ACP3: variants seen among roughly 807,000 people sequenced by gnomAD.
The protein encoded by ACP3 is prostatic acid phosphatase.
Under a neutral mutation model 45.6 loss-of-function variants are expected in ACP3, and 38 were observed. The ratio of observed to expected loss-of-function variants is 0.83; its 90% CI spans 0.64 to 1.09. The LOEUF (loss-of-function observed/expected upper bound fraction) is 1.09, where lower values mean the gene tolerates loss of function less well. ACP3 is among the 50% of genes least tolerant of loss of function. The probability of loss-of-function intolerance (pLI) is 0.00; values close to 1 mark genes in which losing one functional copy is unlikely to be tolerated. For synonymous variants in ACP3, 162 were observed against 164.7 expected (o/e 0.98, Z 0.13); for missense variants, 466 against 463.2 (o/e 1.01, Z -0.05).
At chr3:132,360,880 G>A (rs17183254), downstream of ACP3, among the ~76,000 whole-genome samples, 18,869 of 152,182 alleles carry the variant, frequency 0.12, 1,397 homozygotes, top group Non-Finnish European at 0.18. Flanking sequence ...AGTAGACAAC[G>A]CCTAGAACCT....
At chr3:132,342,429 G>A (rs992631296) in intron 5 of ACP3, 123 bp from the exon 6 acceptor site, 2 of 632,768 alleles carry the variant, frequency 3.2e-6, no homozygotes, top group African/African-American at 3.7e-5. Flanking sequence ...CCAGGATACT[G>A]TGAAACATCC....
chr3:132,362,427 T>C (rs1294680785), downstream of ACP3, among the ~76,000 whole-genome samples: 1 of 152,202 alleles, frequency 6.6e-6, no homozygotes, highest in Non-Finnish European at 1.5e-5. Context: ...ACTGAGTACC[T>C]CTTATGTACT....
In ACP3 at chr3:132,336,422, A is replaced by C. The variant is rs373433594; in HGVS notation, c.457-1034A>C. On this transcript the variant is annotated intron_variant, in intron 4 of 9. Coordinates refer to ENST00000336375, the MANE Select transcript of ACP3 (RefSeq NM_001099.5). Reference sequence around the variant, plus strand: ...ACTGGGAGGGGACTATGAAGATAAAAAAAAGCGGTCTATTTTGAAATAGAA... The same window carrying C: ...ACTGGGAGGGGACTATGAAGATAAACAAAAGCGGTCTATTTTGAAATAGAA... 6.6e-5 allele frequency among the ~76,000 whole-genome samples: 10 copies of C among 152,336 alleles called. No individual in the cohort carries two copies. The South Asian group carries it at 1.2e-3, about 19-fold the overall frequency.
chr3:132,335,106 T>G (rs1423359694), intron 4 of ACP3, among the ~76,000 whole-genome samples: 1 of 152,194 alleles, frequency 6.6e-6, no homozygotes, highest in Non-Finnish European at 1.5e-5. Context: ...TCCAGGCCTT[T>G]TAATGAACAG....
At chr3:132,360,315 GAAA>G (rs35028722), downstream of ACP3, among the ~76,000 whole-genome samples, 2 of 131,578 alleles carry the variant, frequency 1.5e-5, no homozygotes, top group Admixed American at 1.5e-4. Context: ...TAATTCATTG[GAAA>G]AAAAAAAAAA....
chr3:132,330,646 G>A (rs57773813), intron 2 of ACP3, among the ~76,000 whole-genome samples: 3 of 152,066 alleles, frequency 2.0e-5, no homozygotes, highest in East Asian at 1.9e-4. Flanking sequence ...TGTCCCTATC[G>A]TAGATGGGAA....
At position 132,332,478 on chromosome 3, in the gene ACP3, A is replaced by T. The variant is rs1446566528; in HGVS notation, c.456+134A>T. 2.3e-5 allele frequency: 25 copies of T among 1,074,894 alleles called. No individual in the cohort carries two copies. In the East Asian group the frequency reaches 6.5e-4, roughly 28 times the overall value. 66.6% of individuals were successfully genotyped at this position (1,074,894 alleles called of 1,614,324 possible). A position where few individuals can be genotyped will look rare whatever the true frequency, so the allele number is the denominator to read the frequency against. On this transcript the variant is annotated intron_variant, in intron 4 of 9. Coordinates refer to ENST00000336375, the MANE Select transcript of ACP3 (RefSeq NM_001099.5). ...TTTTAATTCTTTCTTAAATAAAGATACAAAGGACAATTTAGGACATGGAAA... is the reference window on the plus strand; with the variant it reads ...TTTTAATTCTTTCTTAAATAAAGATTCAAAGGACAATTTAGGACATGGAAA...
chr3:132,363,141 C>CA (rs1938073408), downstream of ACP3, among the ~76,000 whole-genome samples: 1 of 152,104 alleles, frequency 6.6e-6, no homozygotes, highest in African/African-American at 2.4e-5. Flanking sequence ...CATACGCGCT[C>CA]ACCTGAGTCT....
At chr3:132,334,187 C>T (rs999672373) in intron 4 of ACP3, among the ~76,000 whole-genome samples, 1 of 152,110 alleles carries the variant, frequency 6.6e-6, no homozygotes, top group African/African-American at 2.4e-5. Flanking sequence ...AATTAAGTTA[C>T]ACAGAAAGAG....
intron 4 of ACP3, chr3:132,332,625 AGAGG>A: frequency 2.5e-5 from 8 of 314,834 alleles, no homozygotes; most frequent in Admixed American, 4.4e-5. Context: ...AGAGAGAGAG[AGAGG>A]GAGAGGGAGA....
Position 132,352,768 on chromosome 3 carries a change from G to A in ACP3, c.913G>A (p.Gly305Arg), listed in dbSNP as rs140885758. ...ACAGATGGCGCTAGATGTTTACAAC[G>A]GACTCCTTCCTCCCTATGCTTCTTG... ...GLQMALDVYNGLLPPYASCHL... is the reference protein window; with the variant it reads ...GLQMALDVYNRLLPPYASCHL... The change falls in exon 9 of 10, where the codon GGA (glycine) becomes AGA (arginine). Residue 305 changes from glycine (G) to arginine (R), a missense_variant. Gly to Arg is a moderately radical substitution (Grantham distance 125). Coordinates refer to ENST00000336375, the MANE Select transcript of ACP3 (RefSeq NM_001099.5). 3 of 1,613,876 alleles carry A rather than the reference G, an allele frequency of 1.9e-6. No individual in the cohort carries two copies. The highest frequency in any genetic ancestry group is 2.5e-6 in the Non-Finnish European group (3 of 1,179,852).
At chr3:132,353,920 C>T (rs1011430835) in intron 9 of ACP3, among the ~76,000 whole-genome samples, 1 of 152,208 alleles carries the variant, frequency 6.6e-6, no homozygotes, top group African/African-American at 2.4e-5. Flanking sequence ...GAGTTCTGCA[C>T]AGTTAGGGAC....
At chr3:132,355,839 C>T (rs1937879640) in intron 9 of ACP3, among the ~76,000 whole-genome samples, 1 of 152,174 alleles carries the variant, frequency 6.6e-6, no homozygotes, top group Non-Finnish European at 1.5e-5. Context: ...TGAATATTTG[C>T]TGTTACTATG....
intron 4 of ACP3, among the ~76,000 whole-genome samples, chr3:132,335,136 A>G (rs1937468331): frequency 1.3e-5 from 2 of 152,186 alleles, no homozygotes; most frequent in Admixed American, 6.5e-5. Flanking sequence ...TTTTCTCTTA[A>G]CAATATAATT....
intron 1 of ACP3, among the ~76,000 whole-genome samples, chr3:132,325,775 A>G (rs1318744308): frequency 6.6e-6 from 1 of 152,222 alleles, no homozygotes; most frequent in Non-Finnish European, 1.5e-5. Context: ...AGTTGGAGGC[A>G]CAGCCTGTGT....
intron 9 of ACP3, among the ~76,000 whole-genome samples, chr3:132,353,287 A>G (rs1158862359): frequency 6.6e-6 from 1 of 152,194 alleles, no homozygotes; most frequent in African/African-American, 2.4e-5. Flanking sequence ...CCCTCCCCAG[A>G]TGACCACAGC....
chr3:132,356,007 G>A (rs891133196), intron 9 of ACP3, among the ~76,000 whole-genome samples: 2 of 152,228 alleles, frequency 1.3e-5, no homozygotes, highest in Admixed American at 6.5e-5. Flanking sequence ...AGCAACTCAC[G>A]CTGGTTTAAC....
chr3:132,328,466 G>A (rs373339170), intron 2 of ACP3, 104 bp downstream of exon 2: 33 of 886,228 alleles, frequency 3.7e-5, no homozygotes, highest in Admixed American at 3.5e-4. Flanking sequence ...ATCAACTGAG[G>A]TCAGGAGTTC....
chr3:132,328,199 A>G, intron 1 of ACP3, 68 bp from the exon 2 acceptor site: 1 of 1,262,066 alleles, frequency 7.9e-7, no homozygotes, highest in East Asian at 2.4e-5. Flanking sequence ...AAAAAAAACT[A>G]TTATAATGAG....
Sources: gnomAD v4.1 joint callset for allele counts (sites outside exome capture counted in the v4.1 genomes callset) on GRCh38, gnomAD v4.1.1 for gene constraint, MANE v1.5 for transcripts, NCBI Gene and HGNC (gene_info 2026-07-23, HGNC 2026-07-21) for gene names.